The following XPR1 variants were observed in gnomAD, a reference collection of about 807,000 sequenced individuals.
XPR1 encodes the protein xenotropic and polytropic retrovirus receptor 1.
Under a neutral mutation model 87.5 loss-of-function variants are expected in XPR1, and 28 were observed. The observed-to-expected ratio is 0.32, with a 90% CI of 0.24 to 0.44. The LOEUF (loss-of-function observed/expected upper bound fraction) is 0.44, where lower values mean the gene tolerates loss of function less well. Ranked by LOEUF, XPR1 falls within the 20% of genes least tolerant of loss-of-function variation. XPR1 has a pLI of 1.00. For synonymous variants in XPR1, 300 were observed against 306.1 expected (o/e 0.98, Z 0.21); for missense variants, 559 against 862.3 (o/e 0.65, Z 4.41).
At chr1:180,840,428 T>C (rs991485240) in intron 11 of XPR1, among the ~76,000 whole-genome samples, 1 of 151,860 alleles carries the variant, frequency 6.6e-6, no homozygotes, top group Non-Finnish European at 1.5e-5. Flanking sequence ...ATAATCCTTA[T>C]GCCAAAGTTA....
chr1:180,688,509 T>C (rs949363589), intron 2 of XPR1, among the ~76,000 whole-genome samples: 2 of 152,144 alleles, frequency 1.3e-5, no homozygotes, highest in South Asian at 4.1e-4. Context: ...ACTAGAATTG[T>C]GGGGTTTTTA....
intron 2 of XPR1, among the ~76,000 whole-genome samples, chr1:180,696,606 A>G (rs1406066372): frequency 1.3e-5 from 2 of 152,126 alleles, no homozygotes; most frequent in African/African-American, 2.4e-5. Flanking sequence ...CCCCTTCAGT[A>G]TGATGTTGGC....
intron 2 of XPR1, among the ~76,000 whole-genome samples, chr1:180,704,839 T>TTTTTTC (rs1657504720): frequency 6.9e-6 from 1 of 145,490 alleles, no homozygotes; most frequent in Non-Finnish European, 1.5e-5. Context: ...TTTTTTTTTT[T>TTTTTTC]AAGTAATAAT....
chr1:180,792,870 C>G (rs768588174), intron 3 of XPR1, among the ~76,000 whole-genome samples: 1 of 151,598 alleles, frequency 6.6e-6, no homozygotes, highest in Non-Finnish European at 1.5e-5. Flanking sequence ...ATTCAAAATA[C>G]TTAGTTTCTA....
intron 3 of XPR1, among the ~76,000 whole-genome samples, chr1:180,796,950 T>C (rs535173356): frequency 6.6e-6 from 1 of 152,276 alleles, no homozygotes; most frequent in South Asian, 2.1e-4. Flanking sequence ...ACATGAAATG[T>C]TCAGAAAAGG....
intron 9 of XPR1, among the ~76,000 whole-genome samples, chr1:180,829,435 A>G (rs12058064): frequency 0.043 from 6,544 of 152,242 alleles, 505 homozygotes; most frequent in African/African-American, 0.15. Context: ...TCTCTCCCAG[A>G]AGGCGATATC....
chr1:180,762,558 A>C lies in XPR1; in HGVS notation c.122-25195A>C, dbSNP rs1313987502. ...CATGGTGGACTAAAAATTAAAGGGAACTGTGAACCAAAAAATTAAGGGAAC... is the reference window on the plus strand; with the variant it reads ...CATGGTGGACTAAAAATTAAAGGGACCTGTGAACCAAAAAATTAAGGGAAC... On this transcript the variant is annotated intron_variant, in intron 2 of 14. Coordinates refer to ENST00000367590, the MANE Select transcript of XPR1 (RefSeq NM_004736.4). 2.2e-4 allele frequency among the ~76,000 whole-genome samples: 34 copies of C among 152,148 alleles called. 1 individual carries two copies. The highest frequency in any genetic ancestry group is 2.2e-3 in the Admixed American group (34 of 15,266).
At chr1:180,662,755 A>G (rs6704318) in intron 1 of XPR1, among the ~76,000 whole-genome samples, 2,554 of 152,194 alleles carry the variant, frequency 0.017, 79 homozygotes, top group African/African-American at 0.056. Context: ...AAGGCCAGTA[A>G]TTCTTAGATT....
At chr1:180,796,529 A>G (rs1258864564) in intron 3 of XPR1, among the ~76,000 whole-genome samples, 1 of 152,178 alleles carries the variant, frequency 6.6e-6, no homozygotes, top group Admixed American at 6.5e-5. Flanking sequence ...CATCATTTCT[A>G]TATGGGAATG....
At chr1:180,879,173 C>T (rs189329788) in intron 13 of XPR1, among the ~76,000 whole-genome samples, 1 of 152,158 alleles carries the variant, frequency 6.6e-6, no homozygotes, top group Admixed American at 6.5e-5. Context: ...ATAAATAAAT[C>T]CTTTGTCTGT....
At chr1:180,832,069 A>G (rs1651085693) in intron 9 of XPR1, among the ~76,000 whole-genome samples, 1 of 152,120 alleles carries the variant, frequency 6.6e-6, no homozygotes. Flanking sequence ...TTGTTTCCTG[A>G]GTTTTTAATG....
intron 2 of XPR1, among the ~76,000 whole-genome samples, chr1:180,695,288 A>C (rs1657123740): frequency 6.6e-6 from 1 of 152,130 alleles, no homozygotes; most frequent in Non-Finnish European, 1.5e-5. Context: ...TATTCTGGAT[A>C]CTATTTGCTT....
chr1:180,685,329 T>A (rs1484290861), intron 2 of XPR1, among the ~76,000 whole-genome samples: 25 of 152,180 alleles, frequency 1.6e-4, no homozygotes, highest in African/African-American at 1.7e-4. Context: ...CATCCCAGGG[T>A]TGAAGCCCAC....
intron 2 of XPR1, among the ~76,000 whole-genome samples, chr1:180,737,521 G>A (rs1288104169): frequency 1.3e-5 from 2 of 152,130 alleles, no homozygotes; most frequent in African/African-American, 4.8e-5. Flanking sequence ...TTTAAACACA[G>A]ATGTAAATCC....
In XPR1 at chr1:180,888,239, T is replaced by G. The variant is rs1469681237; in HGVS notation, c.*4173T>G. 6.6e-6 allele frequency: 1 copy of G among 152,012 alleles called. No homozygotes were observed. The highest frequency in any genetic ancestry group is 2.4e-5 in the African/African-American group (1 of 41,412). 9.4% of individuals were successfully genotyped at this position (152,012 alleles called of 1,614,324 possible). The stretch of plus-strand genomic sequence containing the variant: ...GTTTTCTAAGCAGTGACCACAAAAA[T>G]TTCTTATTCTAAGGAAAATAATTAA... On this transcript the variant is annotated 3_prime_UTR_variant, in exon 15 of 15. Coordinates refer to ENST00000367590, the MANE Select transcript of XPR1 (RefSeq NM_004736.4).
At chr1:180,705,297 A>G (rs956436078) in intron 2 of XPR1, among the ~76,000 whole-genome samples, 6 of 152,132 alleles carry the variant, frequency 3.9e-5, no homozygotes, top group African/African-American at 9.7e-5. Context: ...TTGACCAGCT[A>G]TGTGTTTACT....
chr1:180,673,392 G>C (rs1382189232), intron 1 of XPR1, among the ~76,000 whole-genome samples: 1 of 152,080 alleles, frequency 6.6e-6, no homozygotes, highest in African/African-American at 2.4e-5. Context: ...ATTTTCTTTG[G>C]AGTCTGTAGG....
chr1:180,736,026 C>A (rs1159821438), intron 2 of XPR1, among the ~76,000 whole-genome samples: 2 of 152,110 alleles, frequency 1.3e-5, no homozygotes, highest in Admixed American at 6.5e-5. Flanking sequence ...CTCATGGAGT[C>A]TATAACCTCA....
intron 6 of XPR1, among the ~76,000 whole-genome samples, chr1:180,808,885 C>G (rs1304306644): frequency 1.3e-5 from 2 of 152,242 alleles, no homozygotes; most frequent in East Asian, 3.9e-4. Context: ...TTGGAAGTTT[C>G]TTAAAAGTGT....
Sources: gnomAD v4.1 joint callset for allele counts (sites outside exome capture counted in the v4.1 genomes callset) on GRCh38, gnomAD v4.1.1 for gene constraint, MANE v1.5 for transcripts, NCBI Gene and HGNC (gene_info 2026-07-23, HGNC 2026-07-21) for gene names.